USP34: variants seen among roughly 807,000 people sequenced by gnomAD.
USP34 encodes the protein ubiquitin specific peptidase 34, also known as ubiquitin carboxyl-terminal hydrolase 34.
In USP34, 70 loss-of-function variants were observed where a neutral mutation model predicts 460.3. That is an observed-to-expected ratio of 0.15 (90% CI 0.13 to 0.19). The LOEUF is 0.19. Among genes scored for constraint, USP34 ranks in the 10% least tolerant of loss-of-function variants. The pLI, the probability that USP34 is intolerant of heterozygous loss-of-function variation, is 1.00. For missense variants in USP34, 3,985 were observed against 4,236.2 expected, an observed-to-expected ratio of 0.94 and a Z score of 1.65; for synonymous variants, 1,647 against 1,405.3, an observed-to-expected ratio of 1.17 and a Z score of -3.85.
intron 71 of USP34, 38 bp downstream of exon 71, chr2:61,206,722 T>G: frequency 6.2e-7 from 1 of 1,605,638 alleles, no homozygotes; most frequent in Non-Finnish European, 8.5e-7. Flanking sequence ...TCTTTACTAG[T>G]AGCACGAACA....
chr2:61,231,977 T>C (rs1687919016), intron 58 of USP34, among the ~76,000 whole-genome samples: 1 of 151,748 alleles, frequency 6.6e-6, no homozygotes, highest in Admixed American at 6.6e-5. Context: ...AAAGTGACTA[T>C]AAAGTAATAT....
intron 10 of USP34, among the ~76,000 whole-genome samples, chr2:61,359,779 G>GTTTTTTTTT (rs35258583): frequency 3.5e-5 from 3 of 86,852 alleles, no homozygotes; most frequent in African/African-American, 4.1e-5. Flanking sequence ...GCCCACAGTT[G>GTTTTTTTTT]TTTTTTTTTT....
At chr2:61,465,084 G>A (rs1695722319) in intron 1 of USP34, among the ~76,000 whole-genome samples, 1 of 152,054 alleles carries the variant, frequency 6.6e-6, no homozygotes, top group South Asian at 2.1e-4. Flanking sequence ...AAAATGGCAA[G>A]TCCAGTATTT....
intron 33 of USP34, among the ~76,000 whole-genome samples, chr2:61,289,417 T>C (rs919379813): frequency 4.6e-5 from 7 of 152,132 alleles, no homozygotes; most frequent in African/African-American, 7.2e-5. Flanking sequence ...AAAAGTTGTT[T>C]TAAATATTGT....
At chr2:61,333,024 T>C (rs370474170) in intron 19 of USP34, among the ~76,000 whole-genome samples, 3 of 152,024 alleles carry the variant, frequency 2.0e-5, no homozygotes, top group East Asian at 3.8e-4. Context: ...ATCTCACAAA[T>C]GAATCCTTCA....
intron 21 of USP34, among the ~76,000 whole-genome samples, chr2:61,324,486 T>C (rs1175631428): frequency 6.6e-6 from 1 of 152,136 alleles, no homozygotes; most frequent in Non-Finnish European, 1.5e-5. Flanking sequence ...TAATAAAAGA[T>C]GCAGTCAGCC....
chr2:61,453,757 A>G (rs1052495136), intron 1 of USP34, among the ~76,000 whole-genome samples: 1 of 151,644 alleles, frequency 6.6e-6, no homozygotes, highest in East Asian at 1.9e-4. Context: ...AAAACCAAAA[A>G]ACACCAAATT....
At chr2:61,201,430 G>C (rs1384911035) in intron 75 of USP34, among the ~76,000 whole-genome samples, 1 of 151,982 alleles carries the variant, frequency 6.6e-6, no homozygotes, top group South Asian at 2.1e-4. Flanking sequence ...GGCCAGGATG[G>C]TCTCGATCTC....
intron 2 of USP34, among the ~76,000 whole-genome samples, chr2:61,419,856 T>TAAA (rs1199447687): frequency 2.0e-5 from 3 of 152,310 alleles, no homozygotes; most frequent in African/African-American, 7.2e-5. Context: ...CAACCACTCC[T>TAAA]AAACTTACTG....
chr2:61,464,676 C>A (rs541164605), intron 1 of USP34, among the ~76,000 whole-genome samples: 134 of 144,546 alleles, frequency 9.3e-4, no homozygotes, highest in African/African-American at 3.3e-3. Flanking sequence ...CAAGATCGCA[C>A]CACTGCACTC....
At chr2:61,468,899 T>A (rs1402366753) in intron 1 of USP34, among the ~76,000 whole-genome samples, 2 of 152,194 alleles carry the variant, frequency 1.3e-5, no homozygotes, top group Non-Finnish European at 2.9e-5. Context: ...TTGTTTAAAA[T>A]TTTCCAAGTT....
intron 74 of USP34, 137 bp downstream of exon 74, chr2:61,204,119 A>G: frequency 2.5e-6 from 3 of 1,213,284 alleles, no homozygotes; most frequent in Non-Finnish European, 3.4e-6. Flanking sequence ...CTAAAAGGAA[A>G]AAGTCCAAAT....
chr2:61,323,117 G>A (rs777416667), intron 21 of USP34, among the ~76,000 whole-genome samples: 1 of 152,150 alleles, frequency 6.6e-6, no homozygotes. Flanking sequence ...AGTAGTCTGA[G>A]GCCTGTAATC....
rs1173449863 is a variant in USP34 at position 61,395,371 on chromosome 2, C to T, written c.553-138G>A. 8.0e-6 allele frequency: 5 copies of T among 623,048 alleles called. No individual in the cohort carries two copies. In the South Asian group the frequency reaches 9.1e-5, roughly 11 times the overall value. The allele number at this position is 623,048 out of a possible 1,614,324, so 38.6% of individuals were successfully genotyped here. The stretch of plus-strand genomic sequence containing the variant: ...ATTACTCCTGATAAGCAGTGATACT[C>T]CTAACTGAAGCTAATAGGATTCAGC... On this transcript the variant is annotated intron_variant, in intron 3 of 79. Coordinates refer to ENST00000398571, the MANE Select transcript of USP34 (RefSeq NM_014709.4).
At chr2:61,356,332 T>C (rs1179859015) in intron 10 of USP34, among the ~76,000 whole-genome samples, 2 of 151,958 alleles carry the variant, frequency 1.3e-5, no homozygotes, top group Admixed American at 1.3e-4. Flanking sequence ...TACTAAAAAA[T>C]ACAAAACTTA....
chr2:61,242,252 T>C (rs576030423), intron 51 of USP34, among the ~76,000 whole-genome samples: 1 of 152,284 alleles, frequency 6.6e-6, no homozygotes, highest in Non-Finnish European at 1.5e-5. Context: ...CACGAAGCTG[T>C]AATTTATTCT....
intron 1 of USP34, among the ~76,000 whole-genome samples, chr2:61,460,344 A>C (rs1695562792): frequency 6.6e-6 from 1 of 152,176 alleles, no homozygotes; most frequent in African/African-American, 2.4e-5. Flanking sequence ...TCCAGGCTGC[A>C]CATGCAACCT....
intron 15 of USP34, among the ~76,000 whole-genome samples, chr2:61,347,077 T>C (rs1203407109): frequency 3.3e-5 from 5 of 151,380 alleles, no homozygotes; most frequent in Non-Finnish European, 7.4e-5. Flanking sequence ...GAAGTGGAGG[T>C]TGCAGTGAGC....
chr2:61,405,051 C>A (rs1221146454), intron 3 of USP34, among the ~76,000 whole-genome samples: 1 of 151,458 alleles, frequency 6.6e-6, no homozygotes, highest in African/African-American at 2.4e-5. Context: ...CACGGTGAAA[C>A]CCCGTCTCTA....
Sources: allele counts gnomAD v4.1 joint callset (sites outside exome capture counted in the v4.1 genomes callset), GRCh38; gene constraint gnomAD v4.1.1; transcripts MANE v1.5; gene names NCBI Gene and HGNC (gene_info 2026-07-23, HGNC 2026-07-21).